The following GRIN3A variants were observed in gnomAD, a reference collection of about 807,000 sequenced individuals.
GRIN3A encodes glutamate receptor ionotropic, NMDA 3A.
A neutral mutation model predicts 92.4 loss-of-function variants in GRIN3A; 47 were observed. That is an observed-to-expected ratio of 0.51 (90% CI 0.40 to 0.65). The LOEUF (loss-of-function observed/expected upper bound fraction) is 0.65, where lower values mean the gene tolerates loss of function less well. GRIN3A is among the 30% of genes least tolerant of loss of function. The pLI is 0.00. For synonymous variants in GRIN3A, 527 were observed against 540.6 expected (o/e 0.97, Z 0.35); for missense variants, 1,324 against 1,393.1 (o/e 0.95, Z 0.79).
At chr9:101,592,042 C>T (rs1047717566) in intron 6 of GRIN3A, 1 of 152,212 alleles carries the variant, frequency 6.6e-6, no homozygotes, top group Admixed American at 6.5e-5. Flanking sequence ...GCTAGCATGA[C>T]ATGTGCTCAC....
chr9:101,669,214 C>G (rs1829282288), intron 3 of GRIN3A, among the ~76,000 whole-genome samples: 5 of 152,092 alleles, frequency 3.3e-5, no homozygotes, highest in African/African-American at 1.2e-4. Flanking sequence ...TTGACAGTCC[C>G]CTCTCTCTAG....
At chr9:101,619,585 C>A (rs1000566878) in intron 5 of GRIN3A, among the ~76,000 whole-genome samples, 1 of 152,280 alleles carries the variant, frequency 6.6e-6, no homozygotes, top group Non-Finnish European at 1.5e-5. Flanking sequence ...GGTGAGGAAC[C>A]TGAAGAGTAG....
intron 6 of GRIN3A, chr9:101,592,418 A>G (rs1372432098): frequency 2.0e-5 from 3 of 152,150 alleles, no homozygotes; most frequent in Non-Finnish European, 2.9e-5. Context: ...GCCTTTTTGA[A>G]TCCTCAAAAT....
intron 1 of GRIN3A, among the ~76,000 whole-genome samples, chr9:101,688,003 A>G (rs1168222851): frequency 6.6e-6 from 1 of 152,200 alleles, no homozygotes; most frequent in Non-Finnish European, 1.5e-5. Context: ...ACATTTGTTA[A>G]TTGTTGTCCT....
At chr9:101,650,254 T>A (rs751934312) in intron 3 of GRIN3A, among the ~76,000 whole-genome samples, 1 of 152,028 alleles carries the variant, frequency 6.6e-6, no homozygotes, top group Non-Finnish European at 1.5e-5. Context: ...TGGCTCCAAC[T>A]CTTTTCTCCT....
intron 1 of GRIN3A, among the ~76,000 whole-genome samples, chr9:101,732,100 TG>T (rs1284595462): frequency 6.6e-6 from 1 of 152,174 alleles, no homozygotes; most frequent in Non-Finnish European, 1.5e-5. Context: ...GCCACTAAAA[TG>T]AGCAATACTT....
intron 3 of GRIN3A, among the ~76,000 whole-genome samples, chr9:101,669,427 T>G (rs564908920): frequency 1.3e-5 from 2 of 152,118 alleles, no homozygotes; most frequent in African/African-American, 4.8e-5. Flanking sequence ...AAAATCTTCT[T>G]GAATGTCCTT....
intron 7 of GRIN3A, 117 bp downstream of exon 7, chr9:101,579,079 C>T: frequency 9.6e-7 from 1 of 1,043,310 alleles, no homozygotes; most frequent in Non-Finnish European, 1.5e-6. Flanking sequence ...GAGTGCCTAC[C>T]CCACCCTCGT....
chr9:101,617,670 A>G (rs534304435), intron 5 of GRIN3A, among the ~76,000 whole-genome samples: 10 of 151,308 alleles, frequency 6.6e-5, no homozygotes, highest in Non-Finnish European at 1.2e-4. Flanking sequence ...TATTATACTT[A>G]AAGTTTTAGG....
At chr9:101,594,500 T>C (rs1389625088) in intron 6 of GRIN3A, 1 of 1,614,192 alleles carries the variant, frequency 6.2e-7, no homozygotes, top group South Asian at 1.1e-5. Context: ...GCCATCCTTG[T>C]CCAGGATGAT....
intron 8 of GRIN3A, 59 bp downstream of exon 8, chr9:101,577,709 T>C: frequency 8.5e-7 from 1 of 1,181,384 alleles, no homozygotes; most frequent in East Asian, 2.3e-5. Context: ...AATTATACAG[T>C]TAGATCTCTA....
chr9:101,732,601 ATGAG>A (rs1194185884), intron 1 of GRIN3A, among the ~76,000 whole-genome samples: 3 of 152,122 alleles, frequency 2.0e-5, no homozygotes, highest in Non-Finnish European at 4.4e-5. Flanking sequence ...AGAGAAAAAA[ATGAG>A]GGAGAGGGTA....
Position 101,570,921 on chromosome 9 carries a change from T to C in GRIN3A, c.*2253A>G, listed in dbSNP as rs1301040531. Reference sequence around the variant, plus strand: ...GAATATGAGCTGAGTTACAAAAATGTCCATGTACATTAGGAGCATGGCTGT... The same window carrying C: ...GAATATGAGCTGAGTTACAAAAATGCCCATGTACATTAGGAGCATGGCTGT... On this transcript the variant is annotated 3_prime_UTR_variant, in exon 9 of 9. Coordinates refer to ENST00000361820, the MANE Select transcript of GRIN3A (RefSeq NM_133445.3). 1 of 152,558 alleles carries C rather than the reference T, an allele frequency of 6.6e-6. No homozygotes were observed. The highest frequency in any genetic ancestry group is 2.4e-5 in the African/African-American group (1 of 41,426). The allele number at this position is 152,558 out of a possible 1,614,324, so 9.5% of individuals were successfully genotyped here.
At chr9:101,618,544 A>G (rs890481268) in intron 5 of GRIN3A, among the ~76,000 whole-genome samples, 1 of 152,180 alleles carries the variant, frequency 6.6e-6, no homozygotes, top group Non-Finnish European at 1.5e-5. Context: ...AAGTCAGGAA[A>G]CAACAGGTGC....
chr9:101,649,784 A>T (rs1198250266), intron 3 of GRIN3A, among the ~76,000 whole-genome samples: 1 of 151,934 alleles, frequency 6.6e-6, no homozygotes, highest in Non-Finnish European at 1.5e-5. Context: ...CGTTTTGCTG[A>T]TGTCACTGAT....
intron 3 of GRIN3A, among the ~76,000 whole-genome samples, chr9:101,639,515 C>A (rs1828827824): frequency 6.6e-6 from 1 of 152,088 alleles, no homozygotes; most frequent in African/African-American, 2.4e-5. Flanking sequence ...TGTACTATAC[C>A]CTGCAGACTG....
intron 3 of GRIN3A, among the ~76,000 whole-genome samples, 156 bp from the exon 4 acceptor site, chr9:101,628,557 C>T (rs1828668695): frequency 6.6e-6 from 1 of 152,194 alleles, no homozygotes; most frequent in Non-Finnish European, 1.5e-5. Flanking sequence ...GACATGGCTA[C>T]ATGCTTTTTA....
Position 101,651,729 on chromosome 9 carries a change from A to T in GRIN3A, c.2352+18331T>A, listed in dbSNP as rs1039397700. On this transcript the variant is annotated intron_variant, in intron 3 of 8. Coordinates refer to ENST00000361820, the MANE Select transcript of GRIN3A (RefSeq NM_133445.3). ...CTTGGAGGGTTATTATAAGTCTGTA[A>T]ATTTTATAAATAAATTTTGTAATTC... 7.3e-5 allele frequency among the ~76,000 whole-genome samples: 11 copies of T among 150,530 alleles called. No individual in the cohort carries two copies. In the East Asian group the frequency reaches 2.2e-3, roughly 30 times the overall value.
intron 2 of GRIN3A, 71 bp downstream of exon 2, chr9:101,686,525 G>A: frequency 6.5e-7 from 1 of 1,548,528 alleles, no homozygotes; most frequent in Non-Finnish European, 8.9e-7. Flanking sequence ...CTGCAAAGCG[G>A]ACAGATAGGG....
Sources: allele counts gnomAD v4.1 joint callset (sites outside exome capture counted in the v4.1 genomes callset), GRCh38; gene constraint gnomAD v4.1.1; transcripts MANE v1.5; gene names NCBI Gene and HGNC (gene_info 2026-07-23, HGNC 2026-07-21).